The following GRAMD1B variants were observed in gnomAD, a reference collection of about 807,000 sequenced individuals.
GRAMD1B encodes GRAM domain containing 1B.
In GRAMD1B, 37 loss-of-function variants were observed where a neutral mutation model predicts 99.7. That is an observed-to-expected ratio of 0.37 (90% CI 0.29 to 0.49). GRAMD1B has a LOEUF of 0.49. GRAMD1B is among the 20% of genes least tolerant of loss of function. The pLI is 0.98. For missense variants in GRAMD1B, 888 were observed against 1,009.2 expected (o/e 0.88, Z 1.63); for synonymous variants, 427 against 387.6 (o/e 1.10, Z -1.19).
At chr11:123,595,565 A>T (rs777893930) in intron 6 of GRAMD1B, among the ~76,000 whole-genome samples, 1 of 152,178 alleles carries the variant, frequency 6.6e-6, no homozygotes, top group Admixed American at 6.5e-5. Context: ...AAGTGCTGTG[A>T]TTACAGATGT....
intron 1 of GRAMD1B, among the ~76,000 whole-genome samples, chr11:123,438,096 A>T (rs1248275922): frequency 2.6e-5 from 4 of 152,206 alleles, no homozygotes; most frequent in African/African-American, 7.2e-5. Flanking sequence ...CTTCCACCAG[A>T]TTCATAATTC....
chr11:123,569,152 G>T (rs762440719), intron 2 of GRAMD1B, among the ~76,000 whole-genome samples: 1 of 152,186 alleles, frequency 6.6e-6, no homozygotes, highest in Non-Finnish European at 1.5e-5. Flanking sequence ...AGCAGTGAGA[G>T]GGTTGGACCT....
In GRAMD1B at chr11:123,413,514, T is replaced by A. The variant is rs1354321029; in HGVS notation, c.-176+54715T>A. Among the ~76,000 whole-genome samples, 3 of 141,670 alleles carry A rather than the reference T, an allele frequency of 2.1e-5. No homozygotes were observed. In the South Asian group the frequency reaches 7.5e-4, roughly 35 times the overall value. The allele number at this position is 141,670 out of a possible 152,430, so 92.9% of individuals were successfully genotyped here. A position where few individuals can be genotyped will look rare whatever the true frequency, so the allele number is the denominator to read the frequency against. On this transcript the variant is annotated intron_variant, in intron 1 of 20. Coordinates refer to the GRAMD1B transcript ENST00000638157. The stretch of plus-strand genomic sequence containing the variant: ...AAATTCAGGGTCCATTTGCCCATAT[T>A]TTTTTTTTAATGGAGGCATGAATTT...
At chr11:123,391,748 A>G (rs986610514) in intron 1 of GRAMD1B, among the ~76,000 whole-genome samples, 1 of 152,040 alleles carries the variant, frequency 6.6e-6, no homozygotes, top group Non-Finnish European at 1.5e-5. Context: ...GAGCCACCAC[A>G]CCCGGCCAAT....
chr11:123,568,814 A>G (rs1311492172), intron 2 of GRAMD1B, among the ~76,000 whole-genome samples: 1 of 152,208 alleles, frequency 6.6e-6, no homozygotes, highest in Admixed American at 6.5e-5. Context: ...CTTCTTTCAA[A>G]CAGGTAATCA....
chr11:123,605,061 C>T (rs1952519918), intron 9 of GRAMD1B, among the ~76,000 whole-genome samples: 1 of 138,498 alleles, frequency 7.2e-6, no homozygotes. Flanking sequence ...AGGGATAACT[C>T]TAAGGAGGCT....
At position 123,522,359 on chromosome 11, in the gene GRAMD1B, C is replaced by G. The variant is rs559425616; in HGVS notation, c.452+41466C>G. Among the ~76,000 whole-genome samples the G allele has an allele frequency of 1.6e-3, 246 of 152,184 alleles. 1 individual carries two copies. The highest frequency in any genetic ancestry group is 5.7e-3 in the African/African-American group (236 of 41,520). ...TCTTTTGGATGGTCTTGCTCTGTTG[C>G]CCAGGCTGGAGTGCAGTGGCGTGAT... On this transcript the variant is annotated intron_variant, in intron 2 of 19. Coordinates refer to ENST00000635736, the MANE Select transcript of GRAMD1B (RefSeq NM_001387025.1).
intron 1 of GRAMD1B, among the ~76,000 whole-genome samples, chr11:123,379,777 A>G (rs994267825): frequency 4.6e-5 from 7 of 152,236 alleles, no homozygotes; most frequent in Non-Finnish European, 8.8e-5. Flanking sequence ...AAAGGACTGC[A>G]CTATTTTACA....
At chr11:123,532,185 T>C (rs1367647015) in intron 2 of GRAMD1B, among the ~76,000 whole-genome samples, 1 of 152,154 alleles carries the variant, frequency 6.6e-6, no homozygotes, top group Non-Finnish European at 1.5e-5. Flanking sequence ...TCACTCCAAG[T>C]CCCCTCAGGC....
chr11:123,391,399 A>G (rs991627188), intron 1 of GRAMD1B, among the ~76,000 whole-genome samples: 2 of 152,066 alleles, frequency 1.3e-5, no homozygotes, highest in Non-Finnish European at 2.9e-5. Context: ...CCTCATTGAA[A>G]TCTCTCTGCC....
At chr11:123,607,932 G>A (rs1952969885) in intron 11 of GRAMD1B, 1 of 153,538 alleles carries the variant, frequency 6.5e-6, no homozygotes, top group South Asian at 2.1e-4. Context: ...GCAATCTTCT[G>A]TATATGGACA....
chr11:123,459,669 C>A (rs1950321398), intron 1 of GRAMD1B: 1 of 149,952 alleles, frequency 6.7e-6, no homozygotes, highest in Non-Finnish European at 1.5e-5. Context: ...TGCAAAAAAT[C>A]CATATACTAG....
chr11:123,358,837 C>T (rs193205383), intron 1 of GRAMD1B: 7 of 152,428 alleles, frequency 4.6e-5, no homozygotes, highest in African/African-American at 1.7e-4. Flanking sequence ...CTAGGAGGAA[C>T]ACACATGGAT....
chr11:123,589,495 G>A (rs942667015), intron 4 of GRAMD1B, among the ~76,000 whole-genome samples: 3 of 151,720 alleles, frequency 2.0e-5, no homozygotes, highest in African/African-American at 7.3e-5. Flanking sequence ...CCAGGCTGGA[G>A]TGCAGTGGTG....
chr11:123,580,874 T>C (rs1219565862), intron 3 of GRAMD1B, among the ~76,000 whole-genome samples: 2 of 150,172 alleles, frequency 1.3e-5, no homozygotes, highest in African/African-American at 2.4e-5. Flanking sequence ...GCGCTGGCGC[T>C]GTGGCACTGA....
At chr11:123,393,746 G>A (rs2135870566) in intron 1 of GRAMD1B, among the ~76,000 whole-genome samples, 1 of 152,290 alleles carries the variant, frequency 6.6e-6, no homozygotes, top group African/African-American at 2.4e-5. Context: ...GTAATCCCCT[G>A]TTGGTTACCC....
intron 1 of GRAMD1B, among the ~76,000 whole-genome samples, chr11:123,420,397 C>T (rs147088617): frequency 4.3e-3 from 652 of 152,290 alleles, no homozygotes; most frequent in Middle Eastern, 0.01. Context: ...GGTACACCTA[C>T]ATTATTAATG....
rs142859572 is a variant in GRAMD1B at position 123,487,552 on chromosome 11, G to A, written c.452+6659G>A. On this transcript the variant is annotated intron_variant, in intron 2 of 19. Transcript: ENST00000635736. ...TCATGCCACGTCCTGCTGTGATAAG[G>A]AGTGAGTATTCTTTATGGATGACTG... Among the ~76,000 whole-genome samples, 1,419 of 152,332 alleles carry A rather than the reference G, an allele frequency of 9.3e-3. 25 individuals carry two copies. Among genetic ancestry groups the A allele is most frequent in the African/African-American group, 0.032 (1,350 of 41,570 alleles).
chr11:123,602,357 T>A (rs1952092657), intron 8 of GRAMD1B, among the ~76,000 whole-genome samples: 1 of 151,840 alleles, frequency 6.6e-6, no homozygotes. Flanking sequence ...TTGTTCAATT[T>A]TTATTTTTTA....
Sources: gnomAD v4.1 joint callset for allele counts (sites outside exome capture counted in the v4.1 genomes callset) on GRCh38, gnomAD v4.1.1 for gene constraint, MANE v1.5 for transcripts, NCBI Gene and HGNC (gene_info 2026-07-23, HGNC 2026-07-21) for gene names.